CMSS1: variants seen among roughly 807,000 people sequenced by gnomAD.
CMSS1 encodes the protein protein CMSS1.
CMSS1 carries 33 observed loss-of-function variants against 43.5 expected under a neutral mutation model. The ratio of observed to expected loss-of-function variants is 0.76; its 90% CI spans 0.57 to 1.01. The LOEUF is 1.01. CMSS1 is among the 50% of genes least tolerant of loss of function. The probability of loss-of-function intolerance (pLI) is 0.00; values close to 1 mark genes in which losing one functional copy is unlikely to be tolerated. For missense variants in CMSS1, 313 were observed against 326.4 expected (o/e 0.96, Z 0.32); for synonymous variants, 115 against 117.2 (o/e 0.98, Z 0.12).
At chr3:99,887,207 C>T (rs917822238) in intron 1 of CMSS1, among the ~76,000 whole-genome samples, 3 of 151,274 alleles carry the variant, frequency 2.0e-5, no homozygotes, top group African/African-American at 4.9e-5. Context: ...GAGGAGGTCG[C>T]GGTTAGCCGA....
chr3:99,934,804 T>TAA (rs1006142455), intron 1 of CMSS1, among the ~76,000 whole-genome samples: 11 of 152,128 alleles, frequency 7.2e-5, no homozygotes, highest in Admixed American at 4.6e-4. Context: ...TCATAAGTGG[T>TAA]AAAAAAAGGA....
chr3:99,995,595 A>C (rs1709654421), intron 1 of CMSS1, among the ~76,000 whole-genome samples: 1 of 152,220 alleles, frequency 6.6e-6, no homozygotes, highest in Admixed American at 6.5e-5. Context: ...ACACTGCCCT[A>C]GCAGAGGTTC....
intron 1 of CMSS1, among the ~76,000 whole-genome samples, chr3:100,110,627 G>A (rs2066475033): frequency 6.6e-6 from 1 of 152,116 alleles, no homozygotes; most frequent in Admixed American, 6.6e-5. Flanking sequence ...GCTAATAATA[G>A]ACAATACTAG....
chr3:100,072,308 C>T (rs1032849448), intron 1 of CMSS1, among the ~76,000 whole-genome samples: 2 of 152,174 alleles, frequency 1.3e-5, no homozygotes, highest in Admixed American at 6.5e-5. Flanking sequence ...TCTCATTGGC[C>T]TCCTGCCCTA....
At chr3:99,933,830 T>C (rs1707570231) in intron 1 of CMSS1, among the ~76,000 whole-genome samples, 1 of 152,174 alleles carries the variant, frequency 6.6e-6, no homozygotes, top group Admixed American at 6.5e-5. Flanking sequence ...TGCATTAGGG[T>C]GACTGGCTTG....
At chr3:99,987,331 C>T (rs2107117476) in intron 1 of CMSS1, among the ~76,000 whole-genome samples, 1 of 151,656 alleles carries the variant, frequency 6.6e-6, no homozygotes, top group East Asian at 1.9e-4. Flanking sequence ...GAGTTCAAGA[C>T]CAGCTTGGGC....
At chr3:99,873,969 T>A (rs1191784338) in intron 1 of CMSS1, among the ~76,000 whole-genome samples, 2 of 152,218 alleles carry the variant, frequency 1.3e-5, no homozygotes, top group African/African-American at 4.8e-5. Flanking sequence ...TTTCCCATCA[T>A]ACAGATTGTC....
chr3:100,026,582 T>C (rs753146698), intron 1 of CMSS1, among the ~76,000 whole-genome samples: 24 of 152,318 alleles, frequency 1.6e-4, no homozygotes, highest in Middle Eastern at 3.4e-3. Flanking sequence ...TTGGCAACTC[T>C]TTTCTTCTAC....
intron 1 of CMSS1, among the ~76,000 whole-genome samples, chr3:99,911,822 AT>A: frequency 6.6e-6 from 1 of 152,138 alleles, no homozygotes; most frequent in South Asian, 2.1e-4. Flanking sequence ...TGTCTTCTTC[AT>A]TATTTTTTTT....
In CMSS1 at chr3:100,081,958, G is replaced by A. The variant is rs149427886; in HGVS notation, c.65-65015G>A. Among the ~76,000 whole-genome samples, 1,102 of 152,196 alleles carry A rather than the reference G, an allele frequency of 7.2e-3. 4 individuals carry two copies. Among genetic ancestry groups the A allele is most frequent in the African/African-American group, 0.01 (422 of 41,502 alleles). On this transcript the variant is annotated intron_variant, in intron 1 of 9. Transcript: ENST00000421999. ...TCCCAAGATAACATTGCCTTCAATT[G>A]CTGTTTTAGAGTAGGAGGTATGGCA... is the stretch of plus-strand genomic sequence containing the variant.
chr3:100,037,893 A>G (rs1395078861), intron 1 of CMSS1, among the ~76,000 whole-genome samples: 1 of 149,026 alleles, frequency 6.7e-6, no homozygotes, highest in African/African-American at 2.5e-5. Context: ...TTACAGCCAC[A>G]CTAACTGGCT....
At chr3:99,961,042 T>A (rs1708476056) in intron 1 of CMSS1, among the ~76,000 whole-genome samples, 1 of 152,222 alleles carries the variant, frequency 6.6e-6, no homozygotes, top group African/African-American at 2.4e-5. Flanking sequence ...ATATTTATTG[T>A]CACAGTTTAC....
At chr3:99,917,575 G>C (rs1319415057) in intron 1 of CMSS1, among the ~76,000 whole-genome samples, 4 of 152,110 alleles carry the variant, frequency 2.6e-5, no homozygotes, top group Admixed American at 1.3e-4. Flanking sequence ...GGTCTAGATT[G>C]CTAGGTCTTT....
At chr3:99,882,278 G>T (rs1195455644) in intron 1 of CMSS1, among the ~76,000 whole-genome samples, 1 of 152,130 alleles carries the variant, frequency 6.6e-6, no homozygotes, top group East Asian at 1.9e-4. Context: ...TATTTATGTA[G>T]TTAATTGCTT....
chr3:99,904,102 A>C (rs895170206), intron 1 of CMSS1, among the ~76,000 whole-genome samples: 4 of 152,198 alleles, frequency 2.6e-5, no homozygotes, highest in African/African-American at 9.6e-5. Flanking sequence ...TAAGCTGCCC[A>C]ATTTTCAGAC....
intron 1 of CMSS1, among the ~76,000 whole-genome samples, chr3:100,121,650 G>A (rs764224322): frequency 5.3e-5 from 8 of 152,030 alleles, no homozygotes; most frequent in Non-Finnish European, 8.8e-5. Context: ...GTATATGCCC[G>A]GTAATGGGAT....
At chr3:99,941,132 T>C (rs1707838104) in intron 1 of CMSS1, among the ~76,000 whole-genome samples, 1 of 152,234 alleles carries the variant, frequency 6.6e-6, no homozygotes, top group South Asian at 2.1e-4. Flanking sequence ...GGAAACTAAC[T>C]TTTCTAAAGC....
chr3:99,881,776 GC>G (rs1323857367), intron 1 of CMSS1, among the ~76,000 whole-genome samples: 4 of 152,176 alleles, frequency 2.6e-5, no homozygotes, highest in Non-Finnish European at 5.9e-5. Context: ...CAGGTGATCT[GC>G]CCGCCTCGGC....
intron 1 of CMSS1, among the ~76,000 whole-genome samples, chr3:99,984,048 A>ATGTGTGTGTGTGTGTGTGTGTGTG (rs367846393): frequency 0.067 from 9,836 of 147,554 alleles, 416 homozygotes; most frequent in South Asian, 0.13. Flanking sequence ...AAGGATGTAT[A>ATGTGTGTGTGTGTGTGTGTGTGTG]TGTATGTGTG....
Sources: gnomAD v4.1 joint callset for allele counts (sites outside exome capture counted in the v4.1 genomes callset) on GRCh38, gnomAD v4.1.1 for gene constraint, MANE v1.5 for transcripts, NCBI Gene and HGNC (gene_info 2026-07-23, HGNC 2026-07-21) for gene names.